SLC38A6: variants seen among roughly 807,000 people sequenced by gnomAD.
SLC38A6 encodes the protein N system amino acid transporter NAT-1.
Under a neutral mutation model 65.0 loss-of-function variants are expected in SLC38A6, and 73 were observed. That is an observed-to-expected ratio of 1.12 (90% CI 0.93 to 1.37). SLC38A6 has a LOEUF of 1.37. SLC38A6 is among the 40% of genes most tolerant of loss of function. SLC38A6 has a pLI of 0.00. For missense variants in SLC38A6, 561 were observed against 531.1 expected (o/e 1.06, Z -0.55); for synonymous variants, 183 against 178.8 (o/e 1.02, Z -0.19).
At chr14:61,037,492 T>C in intron 7 of SLC38A6, 133 bp from the exon 8 acceptor site, 1 of 635,668 alleles carries the variant, frequency 1.6e-6, no homozygotes, top group South Asian at 2.1e-5. Flanking sequence ...ATAGTTGGAA[T>C]GTTGTTATTC....
At chr14:61,051,416 T>G (rs567600636) in intron 13 of SLC38A6, among the ~76,000 whole-genome samples, 33 of 152,340 alleles carry the variant, frequency 2.2e-4, no homozygotes, top group African/African-American at 7.2e-4. Context: ...TTCTTTCCCA[T>G]GGCATGATTT....
chr14:60,996,582 C>A (rs1248673623), intron 3 of SLC38A6, among the ~76,000 whole-genome samples: 10 of 151,900 alleles, frequency 6.6e-5, no homozygotes. Flanking sequence ...CAAAATAATA[C>A]AAAAATTGAT....
intron 5 of SLC38A6, among the ~76,000 whole-genome samples, chr14:61,024,417 T>G (rs2040503429): frequency 6.6e-6 from 1 of 152,192 alleles, no homozygotes; most frequent in South Asian, 2.1e-4. Context: ...GCCCATTTCC[T>G]CAGGTGCTGG....
chr14:61,007,873 T>G (rs949615972), intron 3 of SLC38A6, among the ~76,000 whole-genome samples: 3 of 152,172 alleles, frequency 2.0e-5, no homozygotes, highest in Non-Finnish European at 2.9e-5. Flanking sequence ...ATGTATAACA[T>G]TATCAATTAA....
rs1000824030 is a variant in SLC38A6, at chr14:61,057,966, A to C, written c.1290+5831A>C. The stretch of plus-strand genomic sequence containing the variant: ...GTATTTCTGTGGGATCGGTGGTGAT[A>C]TCCCCTTTATCATTTTTTATTGTGT... On this transcript the variant is annotated intron_variant, in intron 15 of 16. Transcript: ENST00000354886. Among the ~76,000 whole-genome samples the C allele has an allele frequency of 7.0e-4, 94 of 135,014 alleles. 1 individual carries two copies. In the Middle Eastern group the frequency reaches 0.029, roughly 42 times the overall value. The allele number at this position is 135,014 out of a possible 152,430, so 88.6% of individuals were successfully genotyped here.
intron 3 of SLC38A6, among the ~76,000 whole-genome samples, chr14:61,012,054 T>G (rs2039618422): frequency 1.3e-5 from 2 of 152,220 alleles, no homozygotes; most frequent in Admixed American, 6.5e-5. Flanking sequence ...ATTGCCTCAA[T>G]TTCAGAGCCT....
intron 15 of SLC38A6, among the ~76,000 whole-genome samples, chr14:61,074,696 TCCC>T (rs1594794583): frequency 1.7e-5 from 2 of 116,748 alleles, no homozygotes; most frequent in Admixed American, 8.6e-5. Flanking sequence ...CCTCCCTCCC[TCCC>T]TCCCTCCCTC....
chr14:61,005,182 C>G (rs536948597), intron 3 of SLC38A6, among the ~76,000 whole-genome samples: 1 of 152,096 alleles, frequency 6.6e-6, no homozygotes, highest in East Asian at 1.9e-4. Context: ...GGACGTATCT[C>G]CAAATTAGAA....
chr14:61,046,135 T>C lies in SLC38A6; in HGVS notation c.893T>C (p.Ile298Thr), dbSNP rs773874867. 1.2e-6 allele frequency: 2 copies of C among 1,608,870 alleles called. No homozygotes were observed. The highest frequency in any genetic ancestry group is 2.2e-5 in the East Asian group (1 of 44,796). Reference protein sequence around the residue: ...AIALSFLIYFISALFGYLTFY... With the variant: ...AIALSFLIYFTSALFGYLTFY... ...GCTTTAAGTTTTCTCATTTATTTTA[T>C]ATCTGCACTCTTTGGGTACCTCACT... Residue 298 changes from isoleucine to threonine, a missense_variant, in exon 12 of 16, where the codon ATA becomes ACA. Transcript: ENST00000267488.
chr14:60,984,857 A>G (rs1184444553), intron 3 of SLC38A6, 54 bp downstream of exon 3: 13 of 1,496,874 alleles, frequency 8.7e-6, no homozygotes, highest in Admixed American at 1.7e-5. Context: ...TTGAGTTTGT[A>G]TCTACATATA....
chr14:61,010,111 T>A (rs559923119), intron 3 of SLC38A6, among the ~76,000 whole-genome samples: 1 of 152,360 alleles, frequency 6.6e-6, no homozygotes, highest in East Asian at 1.9e-4. Context: ...GTGGTTTTGA[T>A]TTGCATTTCT....
At chr14:61,018,312 T>C (rs2040139338) in intron 4 of SLC38A6, among the ~76,000 whole-genome samples, 1 of 152,228 alleles carries the variant, frequency 6.6e-6, no homozygotes, top group African/African-American at 2.4e-5. Flanking sequence ...TTCGACATTT[T>C]GGAACTAAGT....
chr14:61,066,823 T>A (rs1421512037), intron 15 of SLC38A6, among the ~76,000 whole-genome samples: 1 of 152,184 alleles, frequency 6.6e-6, no homozygotes, highest in Non-Finnish European at 1.5e-5. Context: ...AAACCCATGT[T>A]GTTCAAGAGT....
intron 5 of SLC38A6, among the ~76,000 whole-genome samples, chr14:61,020,421 A>G (rs1182117109): frequency 6.6e-6 from 1 of 152,168 alleles, no homozygotes; most frequent in African/African-American, 2.4e-5. Flanking sequence ...TTCAAAGATG[A>G]CAGTTTTAAT....
intron 3 of SLC38A6, among the ~76,000 whole-genome samples, chr14:60,995,758 T>A (rs1415885191): frequency 6.6e-6 from 1 of 152,062 alleles, no homozygotes; most frequent in African/African-American, 2.4e-5. Context: ...TAAATGTATA[T>A]AATAAAACAA....
intron 16 of SLC38A6, among the ~76,000 whole-genome samples, chr14:61,079,199 G>T (rs937918189): frequency 6.9e-6 from 1 of 144,178 alleles, no homozygotes; most frequent in Admixed American, 7.1e-5. Context: ...GTGCAGTGGC[G>T]GGTATTGGCT....
intron 12 of SLC38A6, among the ~76,000 whole-genome samples, chr14:61,048,872 T>A (rs1179347715): frequency 1.3e-5 from 2 of 152,330 alleles, no homozygotes; most frequent in East Asian, 3.9e-4. Context: ...TAGCTCATTT[T>A]ATGATTCAGA....
At chr14:61,055,207 G>A (rs1056659361), downstream of SLC38A6, among the ~76,000 whole-genome samples, 2 of 78,142 alleles carry the variant, frequency 2.6e-5, no homozygotes, top group African/African-American at 9.9e-5. Context: ...ATGCTGGTGC[G>A]CTGCACCCAC....
At chr14:61,033,635 T>G (rs2041155074) in intron 6 of SLC38A6, among the ~76,000 whole-genome samples, 1 of 152,142 alleles carries the variant, frequency 6.6e-6, no homozygotes, top group South Asian at 2.1e-4. Context: ...GCAGTTTTAT[T>G]TTGTAAGTTT....
Sources: allele counts gnomAD v4.1 joint callset (sites outside exome capture counted in the v4.1 genomes callset), GRCh38; gene constraint gnomAD v4.1.1; transcripts MANE v1.5; gene names NCBI Gene and HGNC (gene_info 2026-07-23, HGNC 2026-07-21).